Variants in IMMP2L observed in about 807,000 individuals in gnomAD.
The protein encoded by IMMP2L is inner mitochondrial membrane peptidase subunit 2, also known as mitochondrial inner membrane protease subunit 2.
A neutral mutation model predicts 19.3 loss-of-function variants in IMMP2L; 18 were observed. The observed-to-expected ratio is 0.93, with a 90% CI of 0.64 to 1.38. The LOEUF is 1.38. Ranked by LOEUF, IMMP2L falls within the 40% of genes most tolerant of loss-of-function variation. The probability of loss-of-function intolerance (pLI) is 0.00; values close to 1 mark genes in which losing one functional copy is unlikely to be tolerated. For missense variants in IMMP2L, 233 were observed against 218.2 expected (o/e 1.07, Z -0.43); for synonymous variants, 76 against 73.0 (o/e 1.04, Z -0.21).
At chr7:111,282,193 T>TG (rs1162790783) in intron 3 of IMMP2L, among the ~76,000 whole-genome samples, 1 of 152,188 alleles carries the variant, frequency 6.6e-6, no homozygotes, top group Non-Finnish European at 1.5e-5. Context: ...GAAAGAAGCG[T>TG]GACAGATCAA....
At chr7:111,311,729 T>C (rs2130295333) in intron 3 of IMMP2L, among the ~76,000 whole-genome samples, 2 of 152,250 alleles carry the variant, frequency 1.3e-5, no homozygotes, top group Non-Finnish European at 2.9e-5. Context: ...ACATCAATTA[T>C]GTTTCTGTAC....
intron 4 of IMMP2L, among the ~76,000 whole-genome samples, chr7:110,907,151 A>C (rs545801206): frequency 6.6e-6 from 1 of 152,264 alleles, no homozygotes; most frequent in African/African-American, 2.4e-5. Flanking sequence ...TGGATGGCTT[A>C]AGTGTTAACA....
At chr7:111,316,208 G>A (rs1469460006) in intron 3 of IMMP2L, among the ~76,000 whole-genome samples, 1 of 152,128 alleles carries the variant, frequency 6.6e-6, no homozygotes, top group Non-Finnish European at 1.5e-5. Context: ...GGCTGTATCT[G>A]AGAGTAGACA....
chr7:110,919,550 G>C (rs534825538), intron 4 of IMMP2L, among the ~76,000 whole-genome samples: 1 of 152,254 alleles, frequency 6.6e-6, no homozygotes, highest in South Asian at 2.1e-4. Context: ...GTTGACAAGT[G>C]CTTCTGCAAA....
chr7:111,500,973 G>A (rs1585380023), intron 2 of IMMP2L, among the ~76,000 whole-genome samples: 1 of 152,212 alleles, frequency 6.6e-6, no homozygotes, highest in Non-Finnish European at 1.5e-5. Context: ...GCTGGACGGA[G>A]AATGACTTTG....
intron 3 of IMMP2L, among the ~76,000 whole-genome samples, chr7:111,251,520 A>C (rs896818043): frequency 6.6e-6 from 1 of 152,190 alleles, no homozygotes. Context: ...CATCAATGAC[A>C]GACTGGATAA....
chr7:111,412,089 T>A (rs1173570345), intron 3 of IMMP2L, among the ~76,000 whole-genome samples: 1 of 151,550 alleles, frequency 6.6e-6, no homozygotes, highest in Non-Finnish European at 1.5e-5. Flanking sequence ...AATGCAGGAG[T>A]AAGCTATAAA....
In IMMP2L at chr7:111,315,619, G is replaced by C. The variant is rs185112315; in HGVS notation, c.239+171619C>G. On this transcript the variant is annotated intron_variant, in intron 3 of 5. Coordinates refer to ENST00000405709, the MANE Select transcript of IMMP2L (RefSeq NM_032549.4). ...GCTTCAGACTTAAGCTCTATTTAAT[G>C]TAAACCAATCATAGTAATACCTTCC... 1.9e-4 allele frequency among the ~76,000 whole-genome samples: 29 copies of C among 151,796 alleles called. No individual in the cohort carries two copies. The East Asian group carries it at 4.7e-3, about 24-fold the overall frequency.
At chr7:110,771,089 T>C (rs924740018) in intron 5 of IMMP2L, among the ~76,000 whole-genome samples, 1 of 152,144 alleles carries the variant, frequency 6.6e-6, no homozygotes. Flanking sequence ...AAGGGAAAAT[T>C]AACCTTTGGA....
intron 4 of IMMP2L, among the ~76,000 whole-genome samples, chr7:110,922,440 C>T (rs1814393571): frequency 1.3e-5 from 2 of 152,076 alleles, no homozygotes; most frequent in Admixed American, 1.3e-4. Flanking sequence ...TTGAAACATA[C>T]ATGTAAAATA....
intron 3 of IMMP2L, among the ~76,000 whole-genome samples, chr7:111,010,351 A>G (rs1361432161): frequency 1.3e-5 from 2 of 152,260 alleles, no homozygotes; most frequent in East Asian, 3.9e-4. Context: ...TTGGTTTAAC[A>G]ATTATTTTCA....
At chr7:110,796,058 T>C (rs1027186248) in intron 5 of IMMP2L, among the ~76,000 whole-genome samples, 1 of 152,058 alleles carries the variant, frequency 6.6e-6, no homozygotes, top group Non-Finnish European at 1.5e-5. Flanking sequence ...CGAAATCTGA[T>C]GGTTTTATAA....
At chr7:110,963,113 T>C in intron 4 of IMMP2L, 2 of 1,505,542 alleles carry the variant, frequency 1.3e-6, no homozygotes, top group Non-Finnish European at 1.8e-6. Flanking sequence ...AAGAGTCCTC[T>C]TAGTTTCTGC....
At chr7:111,359,216 G>C (rs1054737770) in intron 3 of IMMP2L, among the ~76,000 whole-genome samples, 1 of 152,134 alleles carries the variant, frequency 6.6e-6, no homozygotes, top group Non-Finnish European at 1.5e-5. Flanking sequence ...ACGTAGATCT[G>C]AATGTCCAAA....
intron 2 of IMMP2L, among the ~76,000 whole-genome samples, chr7:111,494,186 G>C (rs1481145894): frequency 6.6e-6 from 1 of 152,048 alleles, no homozygotes; most frequent in Non-Finnish European, 1.5e-5. Context: ...AAATAATAAA[G>C]TGTTTGAAGA....
intron 4 of IMMP2L, among the ~76,000 whole-genome samples, chr7:110,912,080 T>C (rs1401691208): frequency 6.6e-6 from 1 of 152,018 alleles, no homozygotes; most frequent in Non-Finnish European, 1.5e-5. Flanking sequence ...TATCCAGTTA[T>C]AATGTCAAAG....
In IMMP2L at chr7:111,262,555, T is replaced by C. The variant is rs150328909; in HGVS notation, c.239+224683A>G. ...CCTCTGGACTTCTAAGTAAATACAC[T>C]AACAGTATTTATCCAAGAGGCAGAA... On this transcript the variant is annotated intron_variant, in intron 3 of 5. Transcript: ENST00000405709. Among the ~76,000 whole-genome samples the C allele has an allele frequency of 1.4e-3, 206 of 152,172 alleles. 2 individuals carry two copies. The highest frequency in any genetic ancestry group is 2.1e-3 in the Admixed American group (32 of 15,274).
At chr7:110,862,479 T>C (rs1196847435) in intron 5 of IMMP2L, among the ~76,000 whole-genome samples, 1 of 151,496 alleles carries the variant, frequency 6.6e-6, no homozygotes, top group Non-Finnish European at 1.5e-5. Flanking sequence ...GCTGTGTCTA[T>C]AGATATGTGC....
At chr7:111,285,816 C>T (rs868496543) in intron 3 of IMMP2L, among the ~76,000 whole-genome samples, 2 of 152,134 alleles carry the variant, frequency 1.3e-5, no homozygotes, top group African/African-American at 4.8e-5. Flanking sequence ...TCAATAAATG[C>T]ATATTTATGT....
Sources: allele counts gnomAD v4.1 joint callset (sites outside exome capture counted in the v4.1 genomes callset), GRCh38; gene constraint gnomAD v4.1.1; transcripts MANE v1.5; gene names NCBI Gene and HGNC (gene_info 2026-07-23, HGNC 2026-07-21).